OTUD7A: variants seen among roughly 807,000 people sequenced by gnomAD.
OTUD7A encodes the protein OTU deubiquitinase 7A.
Under a neutral mutation model 65.7 loss-of-function variants are expected in OTUD7A, and 12 were observed. The ratio of observed to expected loss-of-function variants is 0.18; its 90% CI spans 0.12 to 0.30. The LOEUF (loss-of-function observed/expected upper bound fraction) is 0.30. OTUD7A is among the 10% of genes least tolerant of loss of function. OTUD7A has a pLI of 1.00. For synonymous variants in OTUD7A, 641 were observed against 586.3 expected (o/e 1.09, Z -1.35); for missense variants, 1,148 against 1,304.8 (o/e 0.88, Z 1.85).
chr15:31,766,029 G>A (rs1895085817), intron 1 of OTUD7A: 1 of 1,556,982 alleles, frequency 6.4e-7, no homozygotes, highest in Non-Finnish European at 8.8e-7. Flanking sequence ...GTATGAGTAA[G>A]TTGGCAAAGG....
Position 31,798,704 on chromosome 15 carries a change from C to A in OTUD7A, c.-100+71803G>T, listed in dbSNP as rs560458399. On this transcript the variant is annotated intron_variant, in intron 1 of 12. Transcript: ENST00000307050. ...TGAGGCTCACTGGACCCCAGCAGGA[C>A]AGCTGACCCTTATAACAGAGCAAAC... 3.9e-5 allele frequency among the ~76,000 whole-genome samples: 6 copies of A among 152,320 alleles called. No individual in the cohort carries two copies. The South Asian group carries it at 1.2e-3, about 32-fold the overall frequency.
intron 1 of OTUD7A, among the ~76,000 whole-genome samples, chr15:31,686,424 C>T (rs553900454): frequency 6.6e-6 from 1 of 152,364 alleles, no homozygotes; most frequent in South Asian, 2.1e-4. Context: ...CCTGATATTT[C>T]CATCCACACA....
rs1475734705 is a variant in OTUD7A at position 31,484,200 on chromosome 15, C to T, written c.1896G>A (p.Leu632=). 6.2e-7 allele frequency: 1 copy of T among 1,609,144 alleles called. No individual in the cohort carries two copies. The highest frequency in any genetic ancestry group is 1.3e-5 in the African/African-American group (1 of 74,882). ...TGCGCTCCCCCTGCATGGCGGCGCG[C>T]AGGATGTTGAGGCTCAGCTTCACAT... ...STDVKLSLNI[L]RAAMQGERKF... Residue 632 remains leucine (L), a synonymous_variant, in exon 13 of 13, where the codon CTG becomes CTA. Transcript: ENST00000307050. The surrounding 1 kb of genome is among the most constrained non-coding windows in gnomAD (Gnocchi z 4.5).
At chr15:31,763,020 C>T (rs998030631) in intron 1 of OTUD7A, among the ~76,000 whole-genome samples, 1 of 152,274 alleles carries the variant, frequency 6.6e-6, no homozygotes, top group African/African-American at 2.4e-5. Context: ...CGGTGGCTCA[C>T]GCCTGTAATC....
chr15:31,817,275 G>GCCC (rs71424623), intron 1 of OTUD7A, among the ~76,000 whole-genome samples: 283 of 143,626 alleles, frequency 2.0e-3, no homozygotes, highest in African/African-American at 6.2e-3. Flanking sequence ...TAGATCATTT[G>GCCC]CCCCCCCCCA....
At chr15:31,496,449 C>T (rs981482144) in intron 10 of OTUD7A, among the ~76,000 whole-genome samples, 1 of 152,256 alleles carries the variant, frequency 6.6e-6, no homozygotes, top group Admixed American at 6.5e-5. Context: ...GTCTTGATCT[C>T]CTGACCTCGT....
At chr15:31,612,440 T>C (rs1890455953) in intron 3 of OTUD7A, among the ~76,000 whole-genome samples, 2 of 152,122 alleles carry the variant, frequency 1.3e-5, no homozygotes, top group Admixed American at 6.5e-5. Context: ...CTAAAAGAAT[T>C]CACCAGTTTC....
At chr15:31,663,293 A>C (rs907887620) in intron 1 of OTUD7A, among the ~76,000 whole-genome samples, 20 of 148,640 alleles carry the variant, frequency 1.3e-4, no homozygotes, top group Non-Finnish European at 3.0e-5. Flanking sequence ...AAGTTTTTAA[A>C]AATTTAAAGT....
intron 3 of OTUD7A, among the ~76,000 whole-genome samples, chr15:31,570,806 G>A (rs540196739): frequency 1.3e-5 from 2 of 152,132 alleles, no homozygotes; most frequent in South Asian, 4.2e-4. Context: ...ACCCCGACAC[G>A]GGGTGCTGGA....
chr15:31,513,223 A>G (rs551829799), intron 8 of OTUD7A, among the ~76,000 whole-genome samples: 19 of 152,368 alleles, frequency 1.2e-4, no homozygotes, highest in Non-Finnish European at 2.1e-4. Context: ...GAAACCTCAC[A>G]AAATAGTTGC....
chr15:31,695,927 C>T (rs1893069908), intron 1 of OTUD7A, among the ~76,000 whole-genome samples: 1 of 151,758 alleles, frequency 6.6e-6, no homozygotes, highest in African/African-American at 2.4e-5. Flanking sequence ...TTGCTAACTT[C>T]TCTCAGGTAA....
intron 1 of OTUD7A, among the ~76,000 whole-genome samples, chr15:31,816,419 G>A (rs570412437): frequency 1.8e-4 from 27 of 152,204 alleles, no homozygotes; most frequent in African/African-American, 6.0e-4. Flanking sequence ...GGCTGGGCAC[G>A]GTGGCTCATG....
intron 8 of OTUD7A, among the ~76,000 whole-genome samples, chr15:31,523,305 T>A (rs890454621): frequency 9.9e-5 from 15 of 152,126 alleles, no homozygotes. Context: ...GGCAGGAGGG[T>A]GGCAAAGTCT....
chr15:31,526,237 C>T, intron 8 of OTUD7A, 112 bp downstream of exon 8: 1 of 1,106,252 alleles, frequency 9.0e-7, no homozygotes, highest in South Asian at 1.7e-5. Context: ...TTTCTGTCTT[C>T]CACAGCACAA....
chr15:31,518,025 C>T (rs1595576753), intron 8 of OTUD7A, among the ~76,000 whole-genome samples: 1 of 152,140 alleles, frequency 6.6e-6, no homozygotes, highest in East Asian at 1.9e-4. Context: ...GGGGTGTCCA[C>T]ACCTCCTGTT....
intron 1 of OTUD7A, among the ~76,000 whole-genome samples, chr15:31,866,335 C>A (rs1897875205): frequency 6.6e-6 from 1 of 152,244 alleles, no homozygotes. Context: ...TATACTCCCC[C>A]ACTTCCTGGT....
Position 31,475,688 on chromosome 15 carries a change from T to A in OTUD7A, c.*7606A>T, listed in dbSNP as rs2041006486. On this transcript the variant is annotated 3_prime_UTR_variant, in exon 13 of 13. Transcript: ENST00000307050. ...GACAGCTCTTACAATGGGTTTCTTC[T>A]CCAAGAATGGACCGGATTGAAAAGG... is the stretch of plus-strand genomic sequence containing the variant. The A allele has an allele frequency of 6.6e-6, 1 of 152,200 alleles. No individual in the cohort carries two copies. Among genetic ancestry groups the A allele is most frequent in the Non-Finnish European group, 1.5e-5 (1 of 68,040 alleles). 9.4% of individuals were successfully genotyped at this position (152,200 alleles called of 1,614,324 possible).
intron 1 of OTUD7A, among the ~76,000 whole-genome samples, chr15:31,784,879 T>C (rs904168939): frequency 4.6e-5 from 7 of 152,120 alleles, no homozygotes; most frequent in African/African-American, 1.2e-4. Flanking sequence ...GAGTGTTTTA[T>C]TGAGAAAGAG....
At chr15:31,609,143 G>A (rs913105069) in intron 3 of OTUD7A, among the ~76,000 whole-genome samples, 11 of 152,180 alleles carry the variant, frequency 7.2e-5, no homozygotes, top group South Asian at 2.1e-4. Flanking sequence ...CACAGGGATC[G>A]GGGGGCAGTC....
Sources: allele counts gnomAD v4.1 joint callset (sites outside exome capture counted in the v4.1 genomes callset), GRCh38; gene constraint gnomAD v4.1.1; non-coding constraint Gnocchi (gnomAD v3.1); transcripts MANE v1.5; gene names NCBI Gene and HGNC (gene_info 2026-07-23, HGNC 2026-07-21).